Variants in VCAN observed in about 807,000 individuals in gnomAD.
The protein encoded by VCAN is versican core protein.
Under a neutral mutation model 245.5 loss-of-function variants are expected in VCAN, and 44 were observed. That is an observed-to-expected ratio of 0.18 (90% CI 0.14 to 0.23). The LOEUF is 0.23. Ranked by LOEUF, VCAN falls within the 10% of genes least tolerant of loss-of-function variation. The pLI is 1.00. For synonymous variants in VCAN, 1,413 were observed against 1,437.0 expected, an observed-to-expected ratio of 0.98 and a Z score of 0.38; for missense variants, 3,793 against 4,057.9, an observed-to-expected ratio of 0.93 and a Z score of 1.77.
At position 83,537,155 on chromosome 5, in the gene VCAN, C is replaced by T; in HGVS notation, c.4152C>T (p.Tyr1384=). 2 of 1,613,692 alleles carry T rather than the reference C, an allele frequency of 1.2e-6. No individual in the cohort carries two copies. The highest frequency in any genetic ancestry group is 2.2e-5 in the East Asian group (1 of 44,848). The part of the protein sequence containing the change: ...EFPDIIEIDL[Y]HSEENEEEEE... ...CTGACATAATTGAAATAGACCTATA[C>T]CACAGTGAAGAAAATGAAGAAGAAG... Residue 1384 remains tyrosine (Y), a synonymous_variant, in exon 8 of 15, where the codon TAC becomes TAT. Transcript: ENST00000265077.
chr5:83,499,658 C>T (rs1334842358), intron 5 of VCAN, among the ~76,000 whole-genome samples: 2 of 152,134 alleles, frequency 1.3e-5, no homozygotes, highest in African/African-American at 2.4e-5. Context: ...CAGAGATACT[C>T]CTTTCTGGCC....
At chr5:83,529,582 C>T (rs1013158706) in intron 7 of VCAN, among the ~76,000 whole-genome samples, 1 of 151,994 alleles carries the variant, frequency 6.6e-6, no homozygotes, top group Non-Finnish European at 1.5e-5. Context: ...TTTGTATCCT[C>T]CTAGAACCAA....
chr5:83,563,771 C>G (rs564460446), intron 12 of VCAN, among the ~76,000 whole-genome samples: 226 of 152,260 alleles, frequency 1.5e-3, no homozygotes, highest in Non-Finnish European at 2.7e-3. Context: ...TCAGCTCTTA[C>G]TGCAGGTGTC....
intron 5 of VCAN, among the ~76,000 whole-genome samples, chr5:83,500,406 C>A (rs1745295787): frequency 6.6e-6 from 1 of 152,156 alleles, no homozygotes; most frequent in African/African-American, 2.4e-5. Context: ...GGAAAGCAAT[C>A]AGGCACAGCA....
intron 8 of VCAN, among the ~76,000 whole-genome samples, chr5:83,543,681 A>G (rs982721374): frequency 2.0e-5 from 3 of 152,228 alleles, no homozygotes; most frequent in Non-Finnish European, 2.9e-5. Flanking sequence ...TGTTAAAAAT[A>G]TGATGTAAAA....
At position 83,539,149 on chromosome 5, in the gene VCAN, G is replaced by A. The variant is rs759019265; in HGVS notation, c.6146G>A (p.Gly2049Asp). ...SIIDEGLGEVGTVNEIDRRST... is the reference protein window; with the variant it reads ...SIIDEGLGEVDTVNEIDRRST... ...ATCGACGAAGGATTGGGAGAAGTGGGTACTGTCAATGAAATTGATAGAAGA... is the reference window on the plus strand; with the variant it reads ...ATCGACGAAGGATTGGGAGAAGTGGATACTGTCAATGAAATTGATAGAAGA... The change falls in exon 8 of 15, where the codon GGT (glycine) becomes GAT (aspartate). Residue 2049 changes from glycine to aspartate, a missense_variant. By Grantham distance (94) the Gly-to-Asp change is moderately conservative. Coordinates refer to ENST00000265077, the MANE Select transcript of VCAN (RefSeq NM_004385.5). 5.6e-6 allele frequency: 9 copies of A among 1,613,834 alleles called. No individual in the cohort carries two copies. The African/African-American group carries it at 9.3e-5, about 17-fold the overall frequency.
rs70975508 is a variant in VCAN at position 83,581,317 on chromosome 5, C to CAAAAAAAAA, written c.*900_*908dup. On this transcript the variant is annotated 3_prime_UTR_variant, in exon 15 of 15. Transcript: ENST00000265077. ...GGGTGGGGGATTGTTAAAACACATG[C>CAAAAAAAAA]AAAAAAAAAAAAAAAAAAAAAAAAA... The CAAAAAAAAA allele has an allele frequency of 2.6e-5, 3 of 116,882 alleles. No individual in the cohort carries two copies. Among genetic ancestry groups the CAAAAAAAAA allele is most frequent in the Admixed American group, 8.8e-5 (1 of 11,400 alleles). The allele number at this position is 116,882 out of a possible 1,614,324, so 7.2% of individuals were successfully genotyped here. A position where few individuals can be genotyped will look rare whatever the true frequency, so the allele number is the denominator to read the frequency against.
intron 5 of VCAN, among the ~76,000 whole-genome samples, chr5:83,502,165 C>G (rs3096170): frequency 6.6e-6 from 1 of 152,004 alleles, no homozygotes. Context: ...CTTGCCTCTT[C>G]GTTCTAATTG....
intron 10 of VCAN, among the ~76,000 whole-genome samples, chr5:83,549,915 A>G (rs1166650805): frequency 6.6e-6 from 1 of 152,136 alleles, no homozygotes; most frequent in East Asian, 1.9e-4. Flanking sequence ...TGTCTAAACA[A>G]TTTTCTATCC....
chr5:83,477,310 G>T (rs1744424741), intron 1 of VCAN, among the ~76,000 whole-genome samples: 1 of 152,010 alleles, frequency 6.6e-6, no homozygotes, highest in African/African-American at 2.4e-5. Flanking sequence ...ATCAGAGAGG[G>T]GCATATTGTT....
chr5:83,476,660 TATA>T (rs1391059567), intron 1 of VCAN, among the ~76,000 whole-genome samples: 1 of 152,102 alleles, frequency 6.6e-6, no homozygotes, highest in Non-Finnish European at 1.5e-5. Context: ...GTAAATTACA[TATA>T]TATAAAGTCT....
chr5:83,476,138 T>C (rs751150662), intron 1 of VCAN, among the ~76,000 whole-genome samples: 28 of 152,204 alleles, frequency 1.8e-4, no homozygotes, highest in Non-Finnish European at 3.4e-4. Flanking sequence ...TTTTGTTGTA[T>C]TATTAGGCTT....
At chr5:83,484,509 TTCCA>T (rs200174622) in intron 2 of VCAN, among the ~76,000 whole-genome samples, 51,294 of 149,050 alleles carry the variant, frequency 0.34, 9,157 homozygotes, top group South Asian at 0.52. Context: ...CCATCCATCC[TTCCA>T]TCCATCCATC....
chr5:83,520,356 A>G lies in VCAN; in HGVS notation c.2050A>G (p.Arg684Gly), dbSNP rs759138661. 27 of 1,612,624 alleles carry G rather than the reference A, an allele frequency of 1.7e-5. No individual in the cohort carries two copies. The highest frequency in any genetic ancestry group is 4.5e-5 in the East Asian group (2 of 44,852). ...PSLQTEMTHRRERTETLIPEM... is the reference protein window; with the variant it reads ...PSLQTEMTHRGERTETLIPEM... ...TCTACAAACAGAAATGACACATAGAAGAGAAAGAACAGAAACACTAATACC... is the reference window on the plus strand; with the variant it reads ...TCTACAAACAGAAATGACACATAGAGGAGAAAGAACAGAAACACTAATACC... Residue 684 changes from arginine (R) to glycine (G), a missense_variant, in exon 7 of 15, where the codon AGA becomes GGA. This residue lies in a region of VCAN where 3,182 missense variants were observed against 3,250.3 expected (regional missense o/e 0.98). Transcript: ENST00000265077.
At chr5:83,484,514 T>C (rs1312255192) in intron 2 of VCAN, among the ~76,000 whole-genome samples, 1 of 52,748 alleles carries the variant, frequency 1.9e-5, no homozygotes, top group African/African-American at 8.4e-5. Flanking sequence ...CATCCTTCCA[T>C]CCATCCATCC....
chr5:83,509,997 T>G (rs928186759), intron 5 of VCAN, among the ~76,000 whole-genome samples: 1 of 152,224 alleles, frequency 6.6e-6, no homozygotes, highest in Non-Finnish European at 1.5e-5. Context: ...TTAACAAATC[T>G]TATTGAATAC....
chr5:83,494,446 AAC>A (rs1745093731), intron 5 of VCAN, among the ~76,000 whole-genome samples: 4 of 152,196 alleles, frequency 2.6e-5, no homozygotes, highest in Admixed American at 2.6e-4. Flanking sequence ...TAAACCAGTT[AAC>A]ACATTAAAAA....
chr5:83,514,564 C>T (rs1745783698), intron 6 of VCAN, among the ~76,000 whole-genome samples: 1 of 151,608 alleles, frequency 6.6e-6, no homozygotes, highest in Non-Finnish European at 1.5e-5. Context: ...GATTCTCCTG[C>T]CTTCTCCTGC....
chr5:83,514,452 A>G (rs140048194), intron 6 of VCAN, among the ~76,000 whole-genome samples: 74 of 83,688 alleles, frequency 8.8e-4, no homozygotes, highest in Middle Eastern at 7.0e-3. Flanking sequence ...GTGTGTGTGT[A>G]TTTTTTTTTT....
Sources: gnomAD v4.1 joint callset for allele counts (sites outside exome capture counted in the v4.1 genomes callset) on GRCh38, gnomAD v4.1.1 for gene constraint, gnomAD v4.1.1 regional missense constraint, MANE v1.5 for transcripts, NCBI Gene and HGNC (gene_info 2026-07-23, HGNC 2026-07-21) for gene names.